MED13: variants seen among roughly 807,000 people sequenced by gnomAD.
MED13 encodes mediator complex subunit 13.
A neutral mutation model predicts 225.2 loss-of-function variants in MED13; 23 were observed. That is an observed-to-expected ratio of 0.10 (90% CI 0.07 to 0.14). MED13 has a LOEUF of 0.14. MED13 is among the 10% of genes least tolerant of loss of function. The pLI, the probability that MED13 is intolerant of heterozygous loss-of-function variation, is 1.00. For synonymous variants in MED13, 942 were observed against 889.2 expected (o/e 1.06, Z -1.06); for missense variants, 2,197 against 2,594.5 (o/e 0.85, Z 3.33).
At chr17:61,972,566 T>A (rs2080119450) in intron 17 of MED13, among the ~76,000 whole-genome samples, 161 bp downstream of exon 17, 1 of 152,038 alleles carries the variant, frequency 6.6e-6, no homozygotes, top group Admixed American at 6.6e-5. Context: ...GTAAGCTGAA[T>A]GTTGGAAATG....
At chr17:62,011,258 A>C (rs1329873045) in intron 8 of MED13, 25 bp from the exon 9 acceptor site, 1 of 1,584,790 alleles carries the variant, frequency 6.3e-7, no homozygotes, top group Non-Finnish European at 8.6e-7. Flanking sequence ...TAAAGGTTTC[A>C]TATTTACAGT....
chr17:62,032,800 G>A (rs920960234), intron 5 of MED13, among the ~76,000 whole-genome samples: 5 of 152,152 alleles, frequency 3.3e-5, no homozygotes, highest in African/African-American at 1.2e-4. Context: ...TGGGTACTTT[G>A]TTAACCTGGG....
chr17:62,006,144 C>A (rs912549141), intron 9 of MED13: 1 of 151,192 alleles, frequency 6.6e-6, no homozygotes, highest in Non-Finnish European at 1.5e-5. Flanking sequence ...GATTATAGCC[C>A]AACTACATAA....
chr17:62,015,606 C>T (rs1347507320), intron 8 of MED13, among the ~76,000 whole-genome samples: 1 of 151,406 alleles, frequency 6.6e-6, no homozygotes, highest in Admixed American at 6.6e-5. Context: ...GACAGTCTCG[C>T]TCTGTTGCCC....
At chr17:62,057,081 T>C (rs995710890) in intron 2 of MED13, among the ~76,000 whole-genome samples, 5 of 151,998 alleles carry the variant, frequency 3.3e-5, no homozygotes, top group Admixed American at 1.3e-4. Context: ...CTCAAAAAAA[T>C]GGCATCTTTA....
rs571786335 is a variant in MED13 at position 61,956,452 on chromosome 17, T to A, written c.5510A>T (p.Lys1837Ile). 1 of 1,612,694 alleles carries A rather than the reference T, an allele frequency of 6.2e-7. No homozygotes were observed. Among genetic ancestry groups the A allele is most frequent in the African/African-American group, 1.3e-5 (1 of 74,982 alleles). Residue 1837 changes from lysine (K) to isoleucine (I), a missense_variant, in exon 24 of 30, where the codon AAA becomes ATA. Lys to Ile is a moderately radical substitution (Grantham distance 102). Around this residue, in one of 12 missense-constraint regions of MED13, gnomAD observed 78 missense variants for 82.1 expected, o/e 0.95. Coordinates refer to ENST00000397786, the MANE Select transcript of MED13 (RefSeq NM_005121.3). Reference protein sequence around the residue: ...RARRKKSSARKFGLQKLWEWC... With the variant: ...RARRKKSSARIFGLQKLWEWC... ...CTCCCAAAGTTTCTGTAGACCAAAT[T>A]TTCTAGCAGAACTTTTTTTCCGACG...
chr17:61,963,063 T>G (rs1236488159), intron 20 of MED13, 92 bp from the exon 21 acceptor site: 17 of 996,430 alleles, frequency 1.7e-5, no homozygotes, highest in Non-Finnish European at 2.3e-5. Flanking sequence ...CTCCTCCCTC[T>G]TTTTTGGTGA....
intron 16 of MED13, among the ~76,000 whole-genome samples, chr17:61,981,746 ACTT>A (rs1415654370): frequency 7.2e-5 from 11 of 152,112 alleles, no homozygotes; most frequent in African/African-American, 2.2e-4. Flanking sequence ...CCTCCAAATT[ACTT>A]CTTACTATCT....
Position 61,968,206 on chromosome 17 carries a change from A to G in MED13, c.4020T>C (p.Tyr1340=). 6.2e-7 allele frequency: 1 copy of G among 1,614,170 alleles called. No individual in the cohort carries two copies. The highest frequency in any genetic ancestry group is 8.5e-7 in the Non-Finnish European group (1 of 1,180,006). ...PLPIPTFLLG[Y]DYDYLVLSPF... is the part of the protein sequence containing the mutation. ...GAGAAAGCACCAGATAATCATAATC[A>G]TAACCCAACAAAAATGTGGGGATTG... The change falls in exon 18 of 30, where the codon TAT becomes TAC. Residue 1340 remains tyrosine, a synonymous_variant. Transcript: ENST00000397786.
chr17:62,045,639 A>G (rs2080891446), intron 3 of MED13, among the ~76,000 whole-genome samples: 1 of 152,240 alleles, frequency 6.6e-6, no homozygotes, highest in African/African-American at 2.4e-5. Flanking sequence ...AGTCAGTGGT[A>G]CTTACTACAA....
At chr17:62,034,017 C>G in intron 4 of MED13, 33 bp from the exon 5 acceptor site, 1 of 1,572,700 alleles carries the variant, frequency 6.4e-7, no homozygotes, top group Non-Finnish European at 8.7e-7. Context: ...AAATAAGTAA[C>G]AAAAGACTGT....
chr17:62,046,658 G>GAT (rs2080900185), intron 3 of MED13, among the ~76,000 whole-genome samples: 1 of 152,046 alleles, frequency 6.6e-6, no homozygotes, highest in African/African-American at 2.4e-5. Flanking sequence ...GCAACATGGT[G>GAT]ATATCTTGTC....
intron 14 of MED13, 141 bp from the exon 15 acceptor site, chr17:61,984,508 T>G: frequency 1.1e-6 from 1 of 947,996 alleles, no homozygotes; most frequent in Admixed American, 3.0e-5. Context: ...TTAAATGCAT[T>G]CTTAATAGTG....
chr17:61,982,903 C>G lies in MED13; in HGVS notation c.3100G>C (p.Val1034Leu). ...AGGPASAQGS[V>L]KYENSDLYSP... ...TACAAGTCTGAATTTTCATATTTGA[C>G]TGAACCTTGAGCACTAGCAGGTCCA... The change falls in exon 16 of 30, where the codon GTC (valine) becomes CTC (leucine). Residue 1034 changes from valine to leucine, a missense_variant. Around this residue, in one of 12 missense-constraint regions of MED13, gnomAD observed 99 missense variants for 158.5 expected, o/e 0.62. Transcript: ENST00000397786. 6.2e-7 allele frequency: 1 copy of G among 1,614,170 alleles called. No homozygotes were observed. The highest frequency in any genetic ancestry group is 8.5e-7 in the Non-Finnish European group (1 of 1,180,028).
At chr17:62,038,536 G>T (rs2080825938) in intron 3 of MED13, among the ~76,000 whole-genome samples, 2 of 151,606 alleles carry the variant, frequency 1.3e-5, no homozygotes, top group African/African-American at 4.9e-5. Context: ...ATTATAATAT[G>T]GGAAATGTTT....
intron 3 of MED13, among the ~76,000 whole-genome samples, chr17:62,044,472 G>T (rs1567998673): frequency 6.6e-6 from 1 of 152,086 alleles, no homozygotes; most frequent in Non-Finnish European, 1.5e-5. Context: ...TATGGACTAA[G>T]TTTTTTACTA....
chr17:62,000,052 A>G (rs958561057), intron 9 of MED13, among the ~76,000 whole-genome samples: 3 of 152,208 alleles, frequency 2.0e-5, no homozygotes, highest in Admixed American at 6.5e-5. Context: ...CCTGGGTAAC[A>G]GAGCAAGATC....
At chr17:61,980,171 G>C (rs2080191651) in intron 16 of MED13, among the ~76,000 whole-genome samples, 1 of 152,046 alleles carries the variant, frequency 6.6e-6, no homozygotes, top group Admixed American at 6.6e-5. Context: ...CCTGGTGACA[G>C]AGCGAGACTC....
At position 61,942,918 on chromosome 17, in the gene MED13, T is replaced by C. The variant is rs1016672533; in HGVS notation, c.*3550A>G. 1 of 152,544 alleles carries C rather than the reference T, an allele frequency of 6.6e-6. No homozygotes were observed. The highest frequency in any genetic ancestry group is 1.5e-5 in the Non-Finnish European group (1 of 67,994). The allele number at this position is 152,544 out of a possible 1,614,324, so 9.4% of individuals were successfully genotyped here. ...GTTACAATTTGTAGCTTAAACTCAATAACTTTAAGGTCCACATATCCAGTT... is the reference window on the plus strand; with the variant it reads ...GTTACAATTTGTAGCTTAAACTCAACAACTTTAAGGTCCACATATCCAGTT... On this transcript the variant is annotated 3_prime_UTR_variant, in exon 30 of 30. Transcript: ENST00000397786.
Sources: allele counts gnomAD v4.1 joint callset (sites outside exome capture counted in the v4.1 genomes callset), GRCh38; gene constraint gnomAD v4.1.1; regional missense constraint gnomAD v4.1.1; transcripts MANE v1.5; gene names NCBI Gene and HGNC (gene_info 2026-07-23, HGNC 2026-07-21).